Variants in PLEKHM3 observed in about 807,000 individuals in gnomAD.
PLEKHM3 encodes pleckstrin homology domain containing M3.
A neutral mutation model predicts 81.8 loss-of-function variants in PLEKHM3; 45 were observed. That is an observed-to-expected ratio of 0.55 (90% CI 0.43 to 0.71). The LOEUF (loss-of-function observed/expected upper bound fraction) is 0.71, where lower values mean the gene tolerates loss of function less well. PLEKHM3 is among the 30% of genes least tolerant of loss of function. The probability of loss-of-function intolerance (pLI) is 0.00; values close to 1 mark genes in which losing one functional copy is unlikely to be tolerated. For synonymous variants in PLEKHM3, 352 were observed against 356.4 expected (o/e 0.99, Z 0.14); for missense variants, 788 against 924.3 (o/e 0.85, Z 1.91).
chr2:207,883,741 C>CA (rs1559220561), intron 6 of PLEKHM3, among the ~76,000 whole-genome samples: 1 of 151,898 alleles, frequency 6.6e-6, no homozygotes, highest in Admixed American at 6.6e-5. Flanking sequence ...AAATTATGAA[C>CA]AAAAAACTAG....
intron 4 of PLEKHM3, among the ~76,000 whole-genome samples, chr2:207,934,539 A>G (rs948108042): frequency 6.6e-6 from 1 of 152,180 alleles, no homozygotes; most frequent in African/African-American, 2.4e-5. Flanking sequence ...TAAGAACTCA[A>G]CTCTGTGACA....
intron 7 of PLEKHM3, among the ~76,000 whole-genome samples, chr2:207,853,747 G>C (rs1430433072): frequency 6.6e-6 from 1 of 151,798 alleles, no homozygotes; most frequent in Non-Finnish European, 1.5e-5. Context: ...AAACAAACAA[G>C]TACAAATTGT....
chr2:207,997,339 A>G (rs1180886149), intron 2 of PLEKHM3, among the ~76,000 whole-genome samples: 3 of 152,172 alleles, frequency 2.0e-5, no homozygotes, highest in African/African-American at 7.2e-5. Flanking sequence ...CAGAGGCCCT[A>G]CCTGATGAAG....
At chr2:207,885,732 C>T (rs1455653904) in intron 6 of PLEKHM3, among the ~76,000 whole-genome samples, 1 of 152,088 alleles carries the variant, frequency 6.6e-6, no homozygotes, top group Non-Finnish European at 1.5e-5. Context: ...ATTGATTGCT[C>T]ACAATAATTA....
chr2:207,921,343 G>A (rs1244892374), intron 5 of PLEKHM3, among the ~76,000 whole-genome samples: 3 of 151,928 alleles, frequency 2.0e-5, no homozygotes, highest in Admixed American at 6.6e-5. Context: ...CACTGCACCT[G>A]GCCTCTCTTC....
chr2:208,009,097 C>A (rs991528525), intron 1 of PLEKHM3, among the ~76,000 whole-genome samples: 1 of 152,208 alleles, frequency 6.6e-6, no homozygotes, highest in African/African-American at 2.4e-5. Flanking sequence ...CCAGGGAAAC[C>A]CTTCGACGAA....
chr2:207,888,000 CTG>C (rs1005215268), intron 6 of PLEKHM3, among the ~76,000 whole-genome samples: 3 of 152,092 alleles, frequency 2.0e-5, no homozygotes, highest in Admixed American at 6.5e-5. Flanking sequence ...ATAAAAATAT[CTG>C]TCTTTCTCAG....
At chr2:207,923,582 G>A (rs1207025568) in intron 5 of PLEKHM3, among the ~76,000 whole-genome samples, 1 of 152,028 alleles carries the variant, frequency 6.6e-6, no homozygotes, top group African/African-American at 2.4e-5. Flanking sequence ...ACTCCAGCCT[G>A]GGTGACAAGA....
At chr2:208,015,172 C>T (rs1692861050) in intron 1 of PLEKHM3, among the ~76,000 whole-genome samples, 1 of 152,178 alleles carries the variant, frequency 6.6e-6, no homozygotes, top group Non-Finnish European at 1.5e-5. Flanking sequence ...ATTATTACTA[C>T]TTTACAGACA....
chr2:207,976,751 G>A lies in PLEKHM3; in HGVS notation c.1446C>T (p.Leu482=). ...TCACAGATTGGCGTTTGTTCTTCCT[G>A]AGTTCATGCCCACCCATTTGATCCT... ...KPKDQMGGHE[L]RKNKRQSVTT... Residue 482 remains leucine, a synonymous_variant, in exon 3 of 8, where the codon CTC becomes CTT. Coordinates refer to ENST00000427836, the MANE Select transcript of PLEKHM3 (RefSeq NM_001080475.3). This position sits in a 1 kb window ranked among gnomAD's most constrained non-coding sequence, Gnocchi z 4.1. 6.2e-7 allele frequency: 1 copy of A among 1,614,234 alleles called. No individual in the cohort carries two copies. Among genetic ancestry groups the A allele is most frequent in the East Asian group, 2.2e-5 (1 of 44,880 alleles).
rs1263326355 is a variant in PLEKHM3 at position 207,861,132 on chromosome 2, T to G, written c.2081A>C (p.Tyr694Ser). ...GCTTGTTGAAATATCCTCAAAAGGG[T>G]AGAGGATCTCTCCATTGTTACAGAT... ...CEICNNGEILYPFEDISTSRC... is the reference protein window; with the variant it reads ...CEICNNGEILSPFEDISTSRC... The change falls in exon 7 of 8, where the codon TAC becomes TCC. Residue 694 changes from tyrosine (Y) to serine (S), a missense_variant. Tyr to Ser is a moderately radical substitution (Grantham distance 144). Coordinates refer to ENST00000427836, the MANE Select transcript of PLEKHM3 (RefSeq NM_001080475.3). 6.2e-7 allele frequency: 1 copy of G among 1,614,094 alleles called. No homozygotes were observed. Among genetic ancestry groups the G allele is most frequent in the Non-Finnish European group, 8.5e-7 (1 of 1,180,004 alleles).
At chr2:207,848,063 G>C (rs1315321437) in intron 7 of PLEKHM3, among the ~76,000 whole-genome samples, 1 of 152,188 alleles carries the variant, frequency 6.6e-6, no homozygotes, top group Non-Finnish European at 1.5e-5. Context: ...TGTAATGTAT[G>C]TGTATTTGAG....
intron 7 of PLEKHM3, among the ~76,000 whole-genome samples, chr2:207,855,936 T>G (rs1486964461): frequency 1.3e-5 from 2 of 152,178 alleles, no homozygotes; most frequent in Non-Finnish European, 2.9e-5. Flanking sequence ...GGACTTTAGT[T>G]ACTAATAATA....
intron 6 of PLEKHM3, among the ~76,000 whole-genome samples, chr2:207,886,616 C>G (rs1687892728): frequency 6.6e-6 from 1 of 152,148 alleles, no homozygotes; most frequent in African/African-American, 2.4e-5. Context: ...AGCCTGCAGC[C>G]AACTCTCTGT....
Position 207,908,574 on chromosome 2 carries a change from A to T in PLEKHM3, c.1890T>A (p.Ile630=). The change falls in exon 6 of 8, where the codon ATT becomes ATA. Residue 630 remains isoleucine (I), a synonymous_variant. Coordinates refer to ENST00000427836, the MANE Select transcript of PLEKHM3 (RefSeq NM_001080475.3). The part of the protein sequence containing the change: ...AAVAEDLRRR[I]FPREYLLQQI... ...GTTGAAGGAGGTATTCTCTGGGGAA[A>T]ATTCTGAAAACAAGGGCAGATAGAC... The T allele has an allele frequency of 6.2e-7, 1 of 1,611,070 alleles. No individual in the cohort carries two copies. The highest frequency in any genetic ancestry group is 8.5e-7 in the Non-Finnish European group (1 of 1,178,542).
At chr2:207,889,488 C>T (rs1687987079) in intron 6 of PLEKHM3, among the ~76,000 whole-genome samples, 1 of 148,826 alleles carries the variant, frequency 6.7e-6, no homozygotes, top group Non-Finnish European at 1.5e-5. Context: ...CACACACGGC[C>T]CTAACCAAAC....
intron 7 of PLEKHM3, among the ~76,000 whole-genome samples, chr2:207,832,067 C>T (rs925481686): frequency 1.8e-4 from 28 of 152,248 alleles, no homozygotes; most frequent in African/African-American, 6.5e-4. Flanking sequence ...TGGGTCTTAT[C>T]GGATATTTCT....
chr2:208,003,362 T>A (rs148705637), intron 1 of PLEKHM3, among the ~76,000 whole-genome samples: 1 of 152,370 alleles, frequency 6.6e-6, no homozygotes, highest in African/African-American at 2.4e-5. Context: ...CAAAGGTAGA[T>A]AGATGTGCTT....
chr2:207,841,863 C>T (rs1347964623), intron 7 of PLEKHM3, among the ~76,000 whole-genome samples: 1 of 152,076 alleles, frequency 6.6e-6, no homozygotes, highest in Middle Eastern at 3.2e-3. Context: ...CCTTCATGTA[C>T]ATAAAACTTT....
Sources: gnomAD v4.1 joint callset for allele counts (sites outside exome capture counted in the v4.1 genomes callset) on GRCh38, gnomAD v4.1.1 for gene constraint, Gnocchi (gnomAD v3.1) non-coding constraint, MANE v1.5 for transcripts, NCBI Gene and HGNC (gene_info 2026-07-23, HGNC 2026-07-21) for gene names.